The following HRCT1 variants were observed in gnomAD, a reference collection of about 807,000 sequenced individuals.
HRCT1 encodes histidine-rich carboxyl terminus protein 1.
For missense variants in HRCT1, 185 were observed against 161.3 expected (o/e 1.15, Z -0.80); for synonymous variants, 76 against 69.0 (o/e 1.10, Z -0.50).
Position 35,906,592 on chromosome 9 carries a change from A to ACCT in HRCT1, c.307_308insTCC (p.His102_His103insLeu), listed in dbSNP as rs1554690907. 45 of 1,278,220 alleles carry ACCT rather than the reference A, an allele frequency of 3.5e-5. No homozygotes were observed. Among genetic ancestry groups the ACCT allele is most frequent in the African/African-American group, 2.4e-4 (11 of 46,022 alleles). 79.2% of individuals were successfully genotyped at this position (1,278,220 alleles called of 1,614,324 possible). On this transcript the variant is annotated inframe_insertion, in exon 1 of 1. Transcript: ENST00000354323. ...CGCCACACCCCTCACCACCTCCACC[A>ACCT]CCACCACCACCCCCACCGCCACCAT...
chr9:35,906,826 G>C lies in HRCT1; in HGVS notation c.*191G>C, dbSNP rs1420137207. ...TGTACTATGGCAGCAGAGAATGGAG[G>C]AACACTGGGTCTGCAGTGCTGAAGG... On this transcript the variant is annotated 3_prime_UTR_variant, in exon 1 of 1. Coordinates refer to ENST00000354323, the MANE Select transcript of HRCT1 (RefSeq NM_001039792.2). 6 of 820,348 alleles carry C rather than the reference G, an allele frequency of 7.3e-6. No homozygotes were observed. Among genetic ancestry groups the C allele is most frequent in the Non-Finnish European group, 9.5e-6 (5 of 526,654 alleles). The allele number at this position is 820,348 out of a possible 1,614,324, so 50.8% of individuals were successfully genotyped here.
In HRCT1 at chr9:35,906,580, ACCACCTCCACCACCACCACCACCC is replaced by A. The variant is rs752602811; in HGVS notation, c.299_322del (p.Leu100_His107del). ...CACCACCACCCCCGCCACACCCCTC[ACCACCTCCACCACCACCACCACCC>A]CCACCGCCACCATCCCCGCCACGCT... On this transcript the variant is annotated inframe_deletion, in exon 1 of 1. Transcript: ENST00000354323. 22 of 1,482,324 alleles carry A rather than the reference ACCACCTCCACCACCACCACCACCC, an allele frequency of 1.5e-5. No individual in the cohort carries two copies. Among genetic ancestry groups the A allele is most frequent in the Non-Finnish European group, 1.8e-5 (20 of 1,120,414 alleles). The allele number at this position is 1,482,324 out of a possible 1,614,324, so 91.8% of individuals were successfully genotyped here. A position where few individuals can be genotyped will look rare whatever the true frequency, so the allele number is the denominator to read the frequency against.
Position 35,906,213 on chromosome 9 carries a change from G to C in HRCT1, c.-75G>C, listed in dbSNP as rs1285636472. On this transcript the variant is annotated 5_prime_UTR_variant, in exon 1 of 1. Transcript: ENST00000354323. ...AGACAACAAAGTTCAGTGACTGAGAGGGCTGAGCGGAGGCTGCTGAAGGGG... is the reference window on the plus strand; with the variant it reads ...AGACAACAAAGTTCAGTGACTGAGACGGCTGAGCGGAGGCTGCTGAAGGGG... 1.3e-6 allele frequency: 2 copies of C among 1,519,504 alleles called. No homozygotes were observed. The highest frequency in any genetic ancestry group is 1.8e-6 in the Non-Finnish European group (2 of 1,134,492). The allele number at this position is 1,519,504 out of a possible 1,614,324, so 94.1% of individuals were successfully genotyped here.
Position 35,906,586 on chromosome 9 carries a change from T to TCCACCTCCA in HRCT1, c.304_305insTCCACCACC (p.His101_His102insLeuHisHis). 1 of 1,188,800 alleles carries TCCACCTCCA rather than the reference T, an allele frequency of 8.4e-7. No individual in the cohort carries two copies. The allele number at this position is 1,188,800 out of a possible 1,614,324, so 73.6% of individuals were successfully genotyped here. On this transcript the variant is annotated inframe_insertion, in exon 1 of 1. Coordinates refer to ENST00000354323, the MANE Select transcript of HRCT1 (RefSeq NM_001039792.2). ...CACCCCCGCCACACCCCTCACCACC[T>TCCACCTCCA]CCACCACCACCACCACCCCCACCGC...
Position 35,906,556 on chromosome 9 carries a change from A to T in HRCT1, c.269A>T (p.His90Leu), listed in dbSNP as rs200931062. 1.3e-6 allele frequency: 2 copies of T among 1,561,130 alleles called. No homozygotes were observed. Among genetic ancestry groups the T allele is most frequent in the Non-Finnish European group, 1.7e-6 (2 of 1,156,184 alleles). ...GTGCCGAATGTGGGCCTCCACCACC[A>T]CCACCACCCCCGCCACACCCCTCAC... ...SHVPNVGLHH[H>L]HHPRHTPHHL... The change falls in exon 1 of 1, where the codon CAC becomes CTC. Residue 90 changes from histidine (H) to leucine (L), a missense_variant. By Grantham distance (99) the His-to-Leu change is moderately conservative (BLOSUM62 -3). Transcript: ENST00000354323.
In HRCT1 at chr9:35,906,396, C is replaced by G; in HGVS notation, c.109C>G (p.Gln37Glu). 4 of 1,612,564 alleles carry G rather than the reference C, an allele frequency of 2.5e-6. No homozygotes were observed. The South Asian group carries it at 4.4e-5, about 18-fold the overall frequency. The change falls in exon 1 of 1, where the codon CAG becomes GAG. Residue 37 changes from glutamine to glutamate, a missense_variant. Physicochemically the swap from Gln to Glu is conservative, Grantham distance 29. Transcript: ENST00000354323. ...GGCCACCTGCCTTTTCCACGGACGG[C>G]AGGACTGTGACGTGGAGAGGAACCG... Reference protein sequence around the residue: ...LLATCLFHGRQDCDVERNRTA... With the variant: ...LLATCLFHGREDCDVERNRTA...
Position 35,906,589 on chromosome 9 carries a change from A to ACCACCACCACCCCCACCG in HRCT1, c.313_314insCCCACCGCCACCACCACC (p.His104_His105insProHisArgHisHisHis). 12 of 1,020,524 alleles carry ACCACCACCACCCCCACCG rather than the reference A, an allele frequency of 1.2e-5. No homozygotes were observed. The highest frequency in any genetic ancestry group is 2.9e-5 in the African/African-American group (1 of 33,968). 63.2% of individuals were successfully genotyped at this position (1,020,524 alleles called of 1,614,324 possible). ...CCCCGCCACACCCCTCACCACCTCC[A>ACCACCACCACCCCCACCG]CCACCACCACCACCCCCACCGCCAC... On this transcript the variant is annotated inframe_insertion, in exon 1 of 1. Transcript: ENST00000354323.
At position 35,906,575 on chromosome 9, in the gene HRCT1, C is replaced by T. The variant is rs1833092926; in HGVS notation, c.288C>T (p.Thr96=). ...ACCACCACCACCACCCCCGCCACACCCCTCACCACCTCCACCACCACCACC... is the reference window on the plus strand; with the variant it reads ...ACCACCACCACCACCCCCGCCACACTCCTCACCACCTCCACCACCACCACC... ...GLHHHHHPRH[T]PHHLHHHHHP... is the part of the protein sequence containing the mutation. Residue 96 remains threonine (T), a synonymous_variant, in exon 1 of 1, where the codon ACC becomes ACT. Transcript: ENST00000354323. 1.9e-6 allele frequency: 3 copies of T among 1,569,676 alleles called. No individual in the cohort carries two copies. The highest frequency in any genetic ancestry group is 1.7e-6 in the Non-Finnish European group (2 of 1,162,470).
chr9:35,906,595 ACCACCACCCCCACCG>A lies in HRCT1; in HGVS notation c.315_329del (p.His107_Pro111del), dbSNP rs1554690912. 1.7e-6 allele frequency: 2 copies of A among 1,198,304 alleles called. No homozygotes were observed. The highest frequency in any genetic ancestry group is 2.2e-6 in the Non-Finnish European group (2 of 907,110). 74.2% of individuals were successfully genotyped at this position (1,198,304 alleles called of 1,614,324 possible). A position where few individuals can be genotyped will look rare whatever the true frequency, so the allele number is the denominator to read the frequency against. On this transcript the variant is annotated inframe_deletion, in exon 1 of 1. Coordinates refer to ENST00000354323, the MANE Select transcript of HRCT1 (RefSeq NM_001039792.2). ...CACACCCCTCACCACCTCCACCACC[ACCACCACCCCCACCG>A]CCACCATCCCCGCCACGCTCGCTGA... is the stretch of plus-strand genomic sequence containing the variant.
rs79156963 is a variant in HRCT1, at chr9:35,906,586, TCCACCA to T, written c.311_316del (p.His104_His105del). The stretch of plus-strand genomic sequence containing the variant: ...CACCCCCGCCACACCCCTCACCACC[TCCACCA>T]CCACCACCACCCCCACCGCCACCAT... On this transcript the variant is annotated inframe_deletion, in exon 1 of 1. Transcript: ENST00000354323. The T allele has an allele frequency of 1.2e-4, 139 of 1,189,846 alleles. No individual in the cohort carries two copies. The highest frequency in any genetic ancestry group is 2.1e-4 in the Admixed American group (9 of 42,378). The allele number at this position is 1,189,846 out of a possible 1,614,324, so 73.7% of individuals were successfully genotyped here. A position where few individuals can be genotyped will look rare whatever the true frequency, so the allele number is the denominator to read the frequency against.
In HRCT1 at chr9:35,906,315, C is replaced by G. The variant is rs150808535; in HGVS notation, c.28C>G (p.Leu10Val). 83 of 1,609,932 alleles carry G rather than the reference C, an allele frequency of 5.2e-5. No homozygotes were observed. The African/African-American group carries it at 9.1e-4, about 18-fold the overall frequency. The stretch of plus-strand genomic sequence containing the variant: ...GCTGGGCCTCCTGGGGAGCACAGCC[C>G]TCGTGGGATGGATCACAGGTGCTGC... MLGLLGSTALVGWITGAAVA... is the reference protein window; with the variant it reads MLGLLGSTAVVGWITGAAVA... Residue 10 changes from leucine to valine, a missense_variant, in exon 1 of 1, where the codon CTC (leucine) becomes GTC (valine). Leu to Val is a conservative substitution (Grantham distance 32). Transcript: ENST00000354323.
Position 35,906,337 on chromosome 9 carries a change from C to G in HRCT1, c.50C>G (p.Ala17Gly). The G allele has an allele frequency of 6.2e-7, 1 of 1,611,978 alleles. No individual in the cohort carries two copies. Among genetic ancestry groups the G allele is most frequent in the Non-Finnish European group, 8.5e-7 (1 of 1,179,656 alleles). The change falls in exon 1 of 1, where the codon GCT (alanine) becomes GGT (glycine). Residue 17 changes from alanine to glycine, a missense_variant. By Grantham distance (60) the Ala-to-Gly change is moderately conservative. Transcript: ENST00000354323. ...STALVGWITG[A>G]AVAVLLLLLL... is the part of the protein sequence containing the mutation. Reference sequence around the variant, plus strand: ...GCCCTCGTGGGATGGATCACAGGTGCTGCTGTGGCGGTCCTGCTGCTGCTG... The same window carrying G: ...GCCCTCGTGGGATGGATCACAGGTGGTGCTGTGGCGGTCCTGCTGCTGCTG...
chr9:35,906,320 G>A lies in HRCT1; in HGVS notation c.33G>A (p.Val11=). The change falls in exon 1 of 1, where the codon GTG becomes GTA. Residue 11 remains valine, a synonymous_variant. Coordinates refer to ENST00000354323, the MANE Select transcript of HRCT1 (RefSeq NM_001039792.2). MLGLLGSTAL[V]GWITGAAVAV... is the part of the protein sequence containing the mutation. Reference sequence around the variant, plus strand: ...GCCTCCTGGGGAGCACAGCCCTCGTGGGATGGATCACAGGTGCTGCTGTGG... The same window carrying A: ...GCCTCCTGGGGAGCACAGCCCTCGTAGGATGGATCACAGGTGCTGCTGTGG... 3.1e-6 allele frequency: 5 copies of A among 1,611,038 alleles called. No individual in the cohort carries two copies. The highest frequency in any genetic ancestry group is 4.2e-6 in the Non-Finnish European group (5 of 1,179,128).
At chr9:35,906,550 A>AC in the HRCT1 span, 5 of 1,534,804 alleles carry the variant, frequency 3.3e-6, no homozygotes, top group Non-Finnish European at 4.4e-6. Context: ...GTGGGCCTCC[A>AC]CCACCACCAC....
Position 35,906,586 on chromosome 9 carries a change from T to TCCACCACCACCC in HRCT1, c.310_311insCCCACCACCACC (p.His103_His104insProHisHisHis), listed in dbSNP as rs1554690885. 3.4e-6 allele frequency: 4 copies of TCCACCACCACCC among 1,189,972 alleles called. No homozygotes were observed. The South Asian group carries it at 3.9e-5, about 12-fold the overall frequency. The allele number at this position is 1,189,972 out of a possible 1,614,324, so 73.7% of individuals were successfully genotyped here. ...CACCCCCGCCACACCCCTCACCACC[T>TCCACCACCACCC]CCACCACCACCACCACCCCCACCGC... is the stretch of plus-strand genomic sequence containing the variant. On this transcript the variant is annotated inframe_insertion, in exon 1 of 1. Transcript: ENST00000354323.
At chr9:35,906,605 C>CCACCACCACCCCCACCA in the HRCT1 span, 1 of 1,523,330 alleles carries the variant, frequency 6.6e-7, no homozygotes, top group Non-Finnish European at 8.8e-7. Context: ...ACCACCACCC[C>CCACCACCACCCCCACCA]CACCGCCACC....
In HRCT1 at chr9:35,906,797, C is replaced by G; in HGVS notation, c.*162C>G. On this transcript the variant is annotated 3_prime_UTR_variant, in exon 1 of 1. Transcript: ENST00000354323. ...TCCAGCTGCATTTGCATGGCATGCC[C>G]CAGTGTACTATGGCAGCAGAGAATG... 1.0e-6 allele frequency: 1 copy of G among 983,232 alleles called. No homozygotes were observed. Among genetic ancestry groups the G allele is most frequent in the Non-Finnish European group, 1.5e-6 (1 of 669,796 alleles). 60.9% of individuals were successfully genotyped at this position (983,232 alleles called of 1,614,324 possible). A position where few individuals can be genotyped will look rare whatever the true frequency, so the allele number is the denominator to read the frequency against.
At position 35,906,393 on chromosome 9, in the gene HRCT1, C is replaced by T. The variant is rs143621211; in HGVS notation, c.106C>T (p.Arg36Trp). Reference sequence around the variant, plus strand: ...GCTGGCCACCTGCCTTTTCCACGGACGGCAGGACTGTGACGTGGAGAGGAA... The same window carrying T: ...GCTGGCCACCTGCCTTTTCCACGGATGGCAGGACTGTGACGTGGAGAGGAA... ...LLLATCLFHG[R>W]QDCDVERNRT... is the part of the protein sequence containing the mutation. The change falls in exon 1 of 1, where the codon CGG becomes TGG. Residue 36 changes from arginine (R) to tryptophan (W), a missense_variant. By Grantham distance (101) the Arg-to-Trp change is moderately radical. Coordinates refer to ENST00000354323, the MANE Select transcript of HRCT1 (RefSeq NM_001039792.2). 4.3e-5 allele frequency: 69 copies of T among 1,612,454 alleles called. No individual in the cohort carries two copies. In the African/African-American group the frequency reaches 4.4e-4, roughly 10 times the overall value.
Position 35,906,413 on chromosome 9 carries a change from G to C in HRCT1, c.126G>C (p.Glu42Asp). ...LFHGRQDCDV[E>D]RNRTAAGGNR... ...ACGGACGGCAGGACTGTGACGTGGA[G>C]AGGAACCGTACAGCTGCAGGGGGAA... Residue 42 changes from glutamate to aspartate, a missense_variant, in exon 1 of 1, where the codon GAG (glutamate) becomes GAC (aspartate). Transcript: ENST00000354323. 1 of 1,612,950 alleles carries C rather than the reference G, an allele frequency of 6.2e-7. No homozygotes were observed. The highest frequency in any genetic ancestry group is 8.5e-7 in the Non-Finnish European group (1 of 1,180,002).
Sources: allele counts gnomAD v4.1 joint callset, GRCh38; gene constraint gnomAD v4.1.1; transcripts MANE v1.5; gene names NCBI Gene and HGNC (gene_info 2026-07-23, HGNC 2026-07-21).